The following AMPH variants were observed in gnomAD, a reference collection of about 807,000 sequenced individuals.
AMPH encodes amphiphysin (Stiff-Mann syndrome with breast cancer 128kD autoantigen).
A neutral mutation model predicts 99.1 loss-of-function variants in AMPH; 49 were observed. The observed-to-expected ratio is 0.49, with a 90% CI of 0.39 to 0.63. AMPH has a LOEUF of 0.63. AMPH is among the 20% of genes least tolerant of loss of function. The probability of loss-of-function intolerance (pLI) is 0.00; values close to 1 mark genes in which losing one functional copy is unlikely to be tolerated. For missense variants in AMPH, 759 were observed against 863.4 expected, an observed-to-expected ratio of 0.88 and a Z score of 1.52; for synonymous variants, 314 against 317.3, an observed-to-expected ratio of 0.99 and a Z score of 0.11.
At chr7:38,442,288 T>C (rs945592049) in intron 11 of AMPH, among the ~76,000 whole-genome samples, 1 of 152,130 alleles carries the variant, frequency 6.6e-6, no homozygotes, top group African/African-American at 2.4e-5. Context: ...GAGTACAGCA[T>C]GAAGGTGGCT....
chr7:38,594,433 T>C (rs1032220903), intron 1 of AMPH, among the ~76,000 whole-genome samples: 3 of 152,184 alleles, frequency 2.0e-5, no homozygotes, highest in Non-Finnish European at 4.4e-5. Context: ...CTTCCCTACC[T>C]GGTATCAGAC....
At chr7:38,502,305 T>C (rs1789167191) in intron 3 of AMPH, among the ~76,000 whole-genome samples, 1 of 152,224 alleles carries the variant, frequency 6.6e-6, no homozygotes, top group African/African-American at 2.4e-5. Context: ...TCTAGTACTT[T>C]AGCACATTTC....
chr7:38,533,524 C>A (rs1420346800), intron 2 of AMPH, among the ~76,000 whole-genome samples: 3 of 152,002 alleles, frequency 2.0e-5, no homozygotes, highest in Non-Finnish European at 4.4e-5. Flanking sequence ...ATGTATAATC[C>A]CTCTTGGTAA....
intron 1 of AMPH, among the ~76,000 whole-genome samples, chr7:38,590,990 T>C (rs1322294477): frequency 6.6e-6 from 1 of 152,192 alleles, no homozygotes; most frequent in African/African-American, 2.4e-5. Context: ...ATATTGTAAG[T>C]TGACATTCAC....
At chr7:38,566,232 A>T (rs1453115028) in intron 1 of AMPH, among the ~76,000 whole-genome samples, 3 of 152,174 alleles carry the variant, frequency 2.0e-5, no homozygotes, top group African/African-American at 7.2e-5. Flanking sequence ...AAAGCATCTC[A>T]TCCTAATGTT....
chr7:38,556,433 A>G (rs1268304618), intron 1 of AMPH, among the ~76,000 whole-genome samples: 1 of 152,230 alleles, frequency 6.6e-6, no homozygotes, highest in African/African-American at 2.4e-5. Flanking sequence ...TTCAGAAATG[A>G]AGTAAGTGTA....
At chr7:38,587,304 G>T (rs138312758) in intron 1 of AMPH, among the ~76,000 whole-genome samples, 1 of 152,272 alleles carries the variant, frequency 6.6e-6, no homozygotes, top group African/African-American at 2.4e-5. Flanking sequence ...GGGTCAGGAG[G>T]TTTCAAAGCT....
At chr7:38,495,391 G>A (rs1388696006) in intron 3 of AMPH, among the ~76,000 whole-genome samples, 1 of 152,004 alleles carries the variant, frequency 6.6e-6, no homozygotes, top group African/African-American at 2.4e-5. Context: ...TAGGGTCATG[G>A]GTGACCAGAT....
intron 5 of AMPH, among the ~76,000 whole-genome samples, chr7:38,481,690 C>A (rs1250551212): frequency 6.6e-6 from 1 of 152,078 alleles, no homozygotes; most frequent in Non-Finnish European, 1.5e-5. Flanking sequence ...CATGAATGGT[C>A]CTTCATAGCC....
intron 1 of AMPH, among the ~76,000 whole-genome samples, chr7:38,619,602 T>G (rs1793987082): frequency 6.6e-6 from 1 of 152,188 alleles, no homozygotes; most frequent in Non-Finnish European, 1.5e-5. Context: ...CATGGAAGAT[T>G]CTCCAGGATA....
intron 14 of AMPH, chr7:38,429,262 G>A: frequency 7.8e-7 from 1 of 1,286,394 alleles, no homozygotes; most frequent in Non-Finnish European, 1.0e-6. Flanking sequence ...GCAGGCTTTG[G>A]GGGCAGTTGT....
chr7:38,408,238 T>A (rs1584050919), intron 17 of AMPH, among the ~76,000 whole-genome samples: 1 of 152,196 alleles, frequency 6.6e-6, no homozygotes, highest in Admixed American at 6.5e-5. Flanking sequence ...GGTTCCCAAG[T>A]GATGTTTGAC....
intron 5 of AMPH, among the ~76,000 whole-genome samples, chr7:38,486,064 C>T (rs1788479587): frequency 6.6e-6 from 1 of 151,138 alleles, no homozygotes; most frequent in Non-Finnish European, 1.5e-5. Context: ...CAAATGAAAC[C>T]CCAAATTGGC....
Position 38,594,069 on chromosome 7 carries a change from T to C in AMPH, c.69+37214A>G, listed in dbSNP as rs1562850349. Among the ~76,000 whole-genome samples the C allele has an allele frequency of 4.0e-5, 6 of 151,864 alleles. No individual in the cohort carries two copies. The South Asian group carries it at 1.2e-3, about 32-fold the overall frequency. ...TGCTGGTGGTCGTGTGGAGTAAGGGTGCAGGGGGTCACGGGAAGAAGCAGG... is the reference window on the plus strand; with the variant it reads ...TGCTGGTGGTCGTGTGGAGTAAGGGCGCAGGGGGTCACGGGAAGAAGCAGG... On this transcript the variant is annotated intron_variant, in intron 1 of 20. Coordinates refer to ENST00000356264, the MANE Select transcript of AMPH (RefSeq NM_001635.4).
rs370141993 is a variant in AMPH at position 38,526,467 on chromosome 7, A to G, written c.150+8464T>C. On this transcript the variant is annotated intron_variant, in intron 2 of 20. Transcript: ENST00000356264. ...TTTTTTTTTTTTTCAGTAGAGACGG[A>G]GTTTTGCCATGTTAACCAGGTTGGT... 3.9e-4 allele frequency among the ~76,000 whole-genome samples: 37 copies of G among 95,512 alleles called. No individual in the cohort carries two copies. In the East Asian group the frequency reaches 7.2e-3, roughly 19 times the overall value. The allele number at this position is 95,512 out of a possible 152,430, so 62.7% of individuals were successfully genotyped here.
At chr7:38,396,933 C>T (rs1044689186) in intron 17 of AMPH, among the ~76,000 whole-genome samples, 5 of 152,186 alleles carry the variant, frequency 3.3e-5, no homozygotes, top group African/African-American at 1.2e-4. Context: ...ATGCAATAAA[C>T]TTATGAGCTC....
chr7:38,591,649 G>A (rs555308750), intron 1 of AMPH, among the ~76,000 whole-genome samples: 7 of 152,182 alleles, frequency 4.6e-5, no homozygotes, highest in African/African-American at 7.2e-5. Context: ...AAAGTGGAAC[G>A]ATTCTGCAAA....
chr7:38,577,463 C>A (rs1316752163), intron 1 of AMPH, among the ~76,000 whole-genome samples: 1 of 152,170 alleles, frequency 6.6e-6, no homozygotes, highest in Non-Finnish European at 1.5e-5. Flanking sequence ...TTCTTTATTC[C>A]CTTGCGAGTT....
intron 1 of AMPH, among the ~76,000 whole-genome samples, chr7:38,585,410 C>G (rs568546964): frequency 4.6e-5 from 7 of 152,244 alleles, no homozygotes; most frequent in African/African-American, 1.7e-4. Context: ...AGTGGAGATG[C>G]ATAAACTCTG....
Sources: allele counts gnomAD v4.1 joint callset (sites outside exome capture counted in the v4.1 genomes callset), GRCh38; gene constraint gnomAD v4.1.1; transcripts MANE v1.5; gene names NCBI Gene and HGNC (gene_info 2026-07-23, HGNC 2026-07-21).